The following VWF variants were observed in gnomAD, a reference collection of about 807,000 sequenced individuals.
VWF encodes the protein von Willebrand factor, also known as Factor VIII related antigen.
VWF carries 176 observed loss-of-function variants against 308.6 expected under a neutral mutation model. The observed-to-expected ratio is 0.57, with a 90% CI of 0.50 to 0.65. The LOEUF is 0.65. Ranked by LOEUF, VWF falls within the 30% of genes least tolerant of loss-of-function variation. The pLI, the probability that VWF is intolerant of heterozygous loss-of-function variation, is 0.00. For synonymous variants in VWF, 1,385 were observed against 1,443.4 expected, an observed-to-expected ratio of 0.96 and a Z score of 0.92; for missense variants, 3,146 against 3,648.2, an observed-to-expected ratio of 0.86 and a Z score of 3.55.
intron 6 of VWF, among the ~76,000 whole-genome samples, chr12:6,089,065 A>G (rs2238101): frequency 0.62 from 94,245 of 151,400 alleles, 30,312 homozygotes; most frequent in South Asian, 0.76. Context: ...CTCCCACACA[A>G]AACACTCTGC....
At chr12:6,108,334 T>TACACACACAC (rs34140032) in intron 5 of VWF, among the ~76,000 whole-genome samples, 3,782 of 124,032 alleles carry the variant, frequency 0.03, 65 homozygotes, top group Non-Finnish European at 0.04. Context: ...AAGAAATATA[T>TACACACACAC]ACACACACAC....
intron 5 of VWF, among the ~76,000 whole-genome samples, chr12:6,101,512 C>G (rs1945160968): frequency 6.6e-6 from 1 of 152,012 alleles, no homozygotes; most frequent in South Asian, 2.1e-4. Context: ...CGCGGTGGCT[C>G]ACGCCTGTAA....
chr12:5,986,191 G>A (rs1014329351), intron 38 of VWF, among the ~76,000 whole-genome samples: 5 of 152,122 alleles, frequency 3.3e-5, no homozygotes, highest in Admixed American at 6.5e-5. Flanking sequence ...CAGCCTTCTC[G>A]AAGGTACACA....
intron 5 of VWF, among the ~76,000 whole-genome samples, chr12:6,105,705 T>C (rs1407051480): frequency 6.6e-6 from 1 of 152,096 alleles, no homozygotes; most frequent in Non-Finnish European, 1.5e-5. Context: ...AGAATTGCCA[T>C]TAGAAATCAT....
At chr12:5,977,874 T>C (rs1360963126) in intron 42 of VWF, among the ~76,000 whole-genome samples, 2 of 145,554 alleles carry the variant, frequency 1.4e-5, no homozygotes, top group Non-Finnish European at 3.1e-5. Context: ...TATCTCTCTC[T>C]CTATATATAT....
chr12:6,025,979 A>C lies in VWF; in HGVS notation c.3035T>G (p.Leu1012Arg), dbSNP rs1271808815. ...IQNNDLTSSN[L>R]QVEEDPVDFG... ...GTCCACAGGGTCTTCCTCCACTTGG[A>C]GGTTGCTGCTGGTGAGGTCATTGTT... The change falls in exon 23 of 52, where the codon CTC becomes CGC. Residue 1012 changes from leucine (L) to arginine (R), a missense_variant. Transcript: ENST00000261405. 1 of 1,613,940 alleles carries C rather than the reference A, an allele frequency of 6.2e-7. No homozygotes were observed. The highest frequency in any genetic ancestry group is 1.1e-5 in the South Asian group (1 of 91,068).
chr12:6,116,106 G>A (rs965059940), intron 3 of VWF, among the ~76,000 whole-genome samples: 5 of 152,104 alleles, frequency 3.3e-5, no homozygotes, highest in Non-Finnish European at 4.4e-5. Context: ...TTAGGAAAAC[G>A]AGCCATTAGA....
chr12:6,059,468 G>A (rs956266639), intron 13 of VWF, among the ~76,000 whole-genome samples: 1 of 152,188 alleles, frequency 6.6e-6, no homozygotes, highest in African/African-American at 2.4e-5. Context: ...CACAGACTGC[G>A]TGGCTTATAG....
At position 6,020,793 on chromosome 12, in the gene VWF, C is replaced by T. The variant is rs1470344673; in HGVS notation, c.3675-1050G>A. Among the ~76,000 whole-genome samples, 1 of 152,246 alleles carries T rather than the reference C, an allele frequency of 6.6e-6. No individual in the cohort carries two copies. The highest frequency in any genetic ancestry group is 1.5e-5 in the Non-Finnish European group (1 of 68,046). On this transcript the variant is annotated intron_variant, in intron 27 of 51. Transcript: ENST00000261405. This position sits in a 1 kb window ranked among gnomAD's most constrained non-coding sequence, Gnocchi z 4.3. ...TGCGGCTTGATACCAGGTGATGCCACCAGCCTGCTGTGGGACTTCTGTCCA... is the reference window on the plus strand; with the variant it reads ...TGCGGCTTGATACCAGGTGATGCCATCAGCCTGCTGTGGGACTTCTGTCCA...
intron 38 of VWF, among the ~76,000 whole-genome samples, chr12:5,986,967 G>A (rs143663093): frequency 1.6e-4 from 25 of 152,184 alleles, no homozygotes; most frequent in Admixed American, 4.6e-4. Flanking sequence ...GCACTCTCTC[G>A]CCTAGACTGC....
Position 6,034,781 on chromosome 12 carries a change from A to G in VWF, c.2592T>C (p.Asp864=), listed in dbSNP as rs754363142. ...RKWNCTDHVC[D]ATCSTIGMAH... is the part of the protein sequence containing the mutation. Reference sequence around the variant, plus strand: ...CCATGCCGATCGTGGAGCACGTGGCATCACACACATGGTCTGTGCAGTTCC... The same window carrying G: ...CCATGCCGATCGTGGAGCACGTGGCGTCACACACATGGTCTGTGCAGTTCC... The change falls in exon 20 of 52, where the codon GAT becomes GAC. Residue 864 remains aspartate (D), a synonymous_variant. Coordinates refer to ENST00000261405, the MANE Select transcript of VWF (RefSeq NM_000552.5). 4 of 1,614,144 alleles carry G rather than the reference A, an allele frequency of 2.5e-6. No homozygotes were observed. In the South Asian group the frequency reaches 3.3e-5, roughly 13 times the overall value.
intron 13 of VWF, among the ~76,000 whole-genome samples, chr12:6,062,610 C>A (rs1236961492): frequency 6.6e-6 from 1 of 152,092 alleles, no homozygotes; most frequent in Non-Finnish European, 1.5e-5. Context: ...CCCTTACTGC[C>A]CACAGTGGGC....
chr12:6,020,937 C>T lies in VWF; in HGVS notation c.3674+963G>A, dbSNP rs1358075399. Among the ~76,000 whole-genome samples the T allele has an allele frequency of 2.0e-5, 3 of 152,138 alleles. No homozygotes were observed. The highest frequency in any genetic ancestry group is 4.4e-5 in the Non-Finnish European group (3 of 68,040). On this transcript the variant is annotated intron_variant, in intron 27 of 51. Coordinates refer to ENST00000261405, the MANE Select transcript of VWF (RefSeq NM_000552.5). The surrounding 1 kb of genome is among the most constrained non-coding windows in gnomAD (Gnocchi z 4.3). ...CTTTTGGCACAGAACCCCAAGCCAG[C>T]ATCAGAATCACCCAGTCCTTTGCTC...
At chr12:6,095,080 G>A (rs1021487653) in intron 6 of VWF, among the ~76,000 whole-genome samples, 1 of 151,962 alleles carries the variant, frequency 6.6e-6, no homozygotes, top group Non-Finnish European at 1.5e-5. Flanking sequence ...TTACAGGAAT[G>A]AGCCACAGGA....
At chr12:5,954,365 CG>C (rs931170689) in intron 47 of VWF, among the ~76,000 whole-genome samples, 1 of 152,090 alleles carries the variant, frequency 6.6e-6, no homozygotes, top group Non-Finnish European at 1.5e-5. Flanking sequence ...AAACAATTAA[CG>C]AAATATTTAA....
rs1945296189 is a variant in VWF at position 6,110,503 on chromosome 12, C to T, written c.403G>A (p.Gly135Ser). ...CTGCCATCGATCCTGGCCACAAAGC[C>T]ATAGGCCTCACCGGACAGCTTGTAG... ...GYYKLSGEAY[G>S]FVARIDGSGN... The change falls in exon 5 of 52, where the codon GGC becomes AGC. Residue 135 changes from glycine to serine, a missense_variant. By Grantham distance (56) the Gly-to-Ser change is moderately conservative. Coordinates refer to ENST00000261405, the MANE Select transcript of VWF (RefSeq NM_000552.5). The T allele has an allele frequency of 6.2e-7, 1 of 1,614,074 alleles. No homozygotes were observed. The highest frequency in any genetic ancestry group is 1.3e-5 in the African/African-American group (1 of 74,918).
Position 6,075,417 on chromosome 12 carries a change from G to A in VWF, c.792C>T (p.Ala264=), listed in dbSNP as rs971712139. ...LCECAGGLEC[A]CPALLEYART... is the part of the protein sequence containing the mutation. ...GGGCGTACTCCAGGAGGGCAGGGCA[G>A]GCGCACTCCAGCCCCCCAGCACACT... Residue 264 remains alanine (A), a synonymous_variant, in exon 7 of 52, where the codon GCC becomes GCT. Coordinates refer to ENST00000261405, the MANE Select transcript of VWF (RefSeq NM_000552.5). The surrounding 1 kb of genome is among the most constrained non-coding windows in gnomAD (Gnocchi z 4.7). 1.2e-6 allele frequency: 2 copies of A among 1,614,200 alleles called. No homozygotes were observed. The highest frequency in any genetic ancestry group is 1.1e-5 in the South Asian group (1 of 91,084).
chr12:6,115,606 C>T (rs1945355245), intron 3 of VWF, among the ~76,000 whole-genome samples: 1 of 152,210 alleles, frequency 6.6e-6, no homozygotes, highest in African/African-American at 2.4e-5. Flanking sequence ...CATTTTAGGA[C>T]CCATGGCCCA....
intron 21 of VWF, 129 bp from the exon 22 acceptor site, chr12:6,029,617 A>G: frequency 8.1e-7 from 1 of 1,229,956 alleles, no homozygotes; most frequent in Non-Finnish European, 1.1e-6. Flanking sequence ...CCCCTCCAGG[A>G]CCCCACCTGC....
Sources: allele counts gnomAD v4.1 joint callset (sites outside exome capture counted in the v4.1 genomes callset), GRCh38; gene constraint gnomAD v4.1.1; non-coding constraint Gnocchi (gnomAD v3.1); transcripts MANE v1.5; gene names NCBI Gene and HGNC (gene_info 2026-07-23, HGNC 2026-07-21).